Variants in RPS6KA2 observed in about 807,000 individuals in gnomAD.
The protein encoded by RPS6KA2 is ribosomal protein S6 kinase A2, also known as ribosomal protein S6 kinase alpha-2.
A neutral mutation model predicts 91.8 loss-of-function variants in RPS6KA2; 42 were observed. The observed-to-expected ratio is 0.46, with a 90% CI of 0.36 to 0.59. The LOEUF is 0.59. Ranked by LOEUF, RPS6KA2 falls within the 20% of genes least tolerant of loss-of-function variation. RPS6KA2 has a pLI of 0.00. For missense variants in RPS6KA2, 798 were observed against 978.5 expected, an observed-to-expected ratio of 0.82 and a Z score of 2.46; for synonymous variants, 414 against 393.6, an observed-to-expected ratio of 1.05 and a Z score of -0.61.
intron 2 of RPS6KA2, among the ~76,000 whole-genome samples, chr6:166,775,131 A>G (rs1562432188): frequency 6.6e-6 from 1 of 152,122 alleles, no homozygotes. Flanking sequence ...GAGTTACCAA[A>G]ATGGTTAATT....
chr6:166,681,292 T>G (rs1405259279), intron 2 of RPS6KA2, among the ~76,000 whole-genome samples: 1 of 152,224 alleles, frequency 6.6e-6, no homozygotes, highest in Non-Finnish European at 1.5e-5. Context: ...CACAATGGAC[T>G]TGTACCATTT....
chr6:166,799,323 G>T (rs938113411), intron 2 of RPS6KA2, among the ~76,000 whole-genome samples: 9 of 152,088 alleles, frequency 5.9e-5, no homozygotes, highest in Non-Finnish European at 8.8e-5. Flanking sequence ...TTAATCAATT[G>T]TATACTACTA....
intron 1 of RPS6KA2, among the ~76,000 whole-genome samples, chr6:166,609,973 C>G (rs1786108346): frequency 6.6e-6 from 1 of 152,126 alleles, no homozygotes; most frequent in Admixed American, 6.5e-5. Flanking sequence ...TATTCTTGTT[C>G]TCTTTTACAT....
At chr6:166,632,878 G>A (rs373718795) in intron 2 of RPS6KA2, among the ~76,000 whole-genome samples, 3 of 152,116 alleles carry the variant, frequency 2.0e-5, no homozygotes, top group Non-Finnish European at 2.9e-5. Context: ...CACACTGAGC[G>A]GTGTGGGGAG....
At position 166,488,817 on chromosome 6, in the gene RPS6KA2, TC is replaced by T; in HGVS notation, c.907+15del. 6.2e-7 allele frequency: 1 copy of T among 1,604,414 alleles called. No individual in the cohort carries two copies. Among genetic ancestry groups the T allele is most frequent in the Non-Finnish European group, 8.5e-7 (1 of 1,173,506 alleles). On this transcript the variant is annotated intron_variant, in intron 10 of 20. Transcript: ENST00000265678. ...CCCTGCACGTTCCCGTGGTGGGGTG[TC>T]CCGGGGAATCTTACCCAGCCGGTTG...
In RPS6KA2 at chr6:166,504,514, C is replaced by T; in HGVS notation, c.558G>A (p.Lys186=). ...AGTTTTTTCTCACTTACTTCTCAGG[C>T]TTCAGATCTCTGTAGATGATCCCCA... is the stretch of plus-strand genomic sequence containing the variant. The part of the protein sequence containing the change: ...HSLGIIYRDL[K]PENILLDEEG... Residue 186 remains lysine (K), a synonymous_variant, in exon 6 of 21, where the codon AAG becomes AAA. Transcript: ENST00000265678. 3 of 1,607,228 alleles carry T rather than the reference C, an allele frequency of 1.9e-6. No homozygotes were observed. Among genetic ancestry groups the T allele is most frequent in the Non-Finnish European group, 2.6e-6 (3 of 1,175,788 alleles).
At chr6:166,707,034 G>A (rs1486939957) in intron 2 of RPS6KA2, among the ~76,000 whole-genome samples, 1 of 152,300 alleles carries the variant, frequency 6.6e-6, no homozygotes, top group East Asian at 1.9e-4. Flanking sequence ...ATAGAACAAA[G>A]TCCAACATAC....
At position 166,418,057 on chromosome 6, in the gene RPS6KA2, C is replaced by T. The variant is rs1283859983; in HGVS notation, c.1938+168G>A. Among the ~76,000 whole-genome samples, 2 of 151,440 alleles carry T rather than the reference C, an allele frequency of 1.3e-5. No individual in the cohort carries two copies. The highest frequency in any genetic ancestry group is 2.9e-5 in the Non-Finnish European group (2 of 67,918). On this transcript the variant is annotated intron_variant, in intron 19 of 20. Transcript: ENST00000265678. The surrounding 1 kb of genome is among the most constrained non-coding windows in gnomAD (Gnocchi z 4.9). ...GAGCCAAGATTGTGCCACTGCACTC[C>T]AGCCTGGGTGAGACAGAGCGAGACT...
At chr6:166,738,713 G>A (rs1182856811) in intron 2 of RPS6KA2, among the ~76,000 whole-genome samples, 4 of 152,190 alleles carry the variant, frequency 2.6e-5, no homozygotes, top group East Asian at 3.8e-4. Flanking sequence ...ATACCATGAC[G>A]TCTGCCAGGA....
intron 2 of RPS6KA2, among the ~76,000 whole-genome samples, chr6:166,669,457 C>T (rs929755309): frequency 6.6e-6 from 1 of 152,220 alleles, no homozygotes; most frequent in African/African-American, 2.4e-5. Context: ...TGGATTCTGC[C>T]TCACCCTCGC....
At chr6:166,429,755 T>G (rs1049565853) in intron 16 of RPS6KA2, among the ~76,000 whole-genome samples, 1 of 151,928 alleles carries the variant, frequency 6.6e-6, no homozygotes, top group Non-Finnish European at 1.5e-5. Context: ...CCAGCAAAAT[T>G]ATTGTTCTTT....
At chr6:166,416,279 G>A (rs371322749) in intron 19 of RPS6KA2, among the ~76,000 whole-genome samples, 84 of 6,202 alleles carry the variant, frequency 0.014, no homozygotes, top group South Asian at 0.022. Context: ...CACCTCTGCC[G>A]TCACCCTTGC....
chr6:166,766,546 G>A (rs1773510346), intron 2 of RPS6KA2, among the ~76,000 whole-genome samples: 1 of 152,132 alleles, frequency 6.6e-6, no homozygotes, highest in South Asian at 2.1e-4. Context: ...GTTAGGAGGT[G>A]GGCTATAGCT....
At chr6:166,777,781 A>C (rs1276966524) in intron 2 of RPS6KA2, among the ~76,000 whole-genome samples, 1 of 152,218 alleles carries the variant, frequency 6.6e-6, no homozygotes, top group African/African-American at 2.4e-5. Flanking sequence ...TAATATTCAA[A>C]AGCAGTTTTG....
At chr6:166,482,884 C>T (rs571272803) in intron 10 of RPS6KA2, among the ~76,000 whole-genome samples, 39 of 152,340 alleles carry the variant, frequency 2.6e-4, no homozygotes, top group African/African-American at 8.2e-4. Context: ...AGCCATGCTA[C>T]AGGACGCCCT....
intron 2 of RPS6KA2, among the ~76,000 whole-genome samples, chr6:166,731,061 G>A (rs1455949007): frequency 6.6e-6 from 1 of 152,158 alleles, no homozygotes; most frequent in Non-Finnish European, 1.5e-5. Context: ...TGACCAACAT[G>A]GTGAAACCCC....
chr6:166,442,301 C>A (rs1290664870), intron 14 of RPS6KA2, among the ~76,000 whole-genome samples: 1 of 152,190 alleles, frequency 6.6e-6, no homozygotes, highest in South Asian at 2.1e-4. Context: ...AAACAGAACA[C>A]TGGGGCTCCC....
intron 2 of RPS6KA2, among the ~76,000 whole-genome samples, chr6:166,856,491 C>A (rs6918384): frequency 6.6e-6 from 1 of 152,026 alleles, no homozygotes; most frequent in Non-Finnish European, 1.5e-5. Context: ...TCTGCTATGG[C>A]AGCCTGAATG....
chr6:166,433,578 C>T lies in RPS6KA2; in HGVS notation c.1333-1088G>A, dbSNP rs1413273058. 3.3e-5 allele frequency among the ~76,000 whole-genome samples: 5 copies of T among 152,144 alleles called. No individual in the cohort carries two copies. The highest frequency in any genetic ancestry group is 7.4e-5 in the Non-Finnish European group (5 of 68,024). On this transcript the variant is annotated intron_variant, in intron 14 of 20. Transcript: ENST00000265678. The surrounding 1 kb of genome is among the most constrained non-coding windows in gnomAD (Gnocchi z 4.4). Reference sequence around the variant, plus strand: ...AACAACACTCAGAGCAGAAGAAAAGCGATTGGAAACACCTTCCTAACCATG... The same window carrying T: ...AACAACACTCAGAGCAGAAGAAAAGTGATTGGAAACACCTTCCTAACCATG...
Sources: gnomAD v4.1 joint callset for allele counts (sites outside exome capture counted in the v4.1 genomes callset) on GRCh38, gnomAD v4.1.1 for gene constraint, Gnocchi (gnomAD v3.1) non-coding constraint, MANE v1.5 for transcripts, NCBI Gene and HGNC (gene_info 2026-07-23, HGNC 2026-07-21) for gene names.